NHSL3: variants seen among roughly 807,000 people sequenced by gnomAD.
NHSL3 encodes NHS-like protein 3.
chr1:32,772,277 T>TCCCCCCCCCCCCCC, the NHSL3 span: 1 of 1,587,360 alleles, frequency 6.3e-7, no homozygotes, highest in Non-Finnish European at 8.6e-7. Context: ...TCTGTGGGAG[T>TCCCCCCCCCCCCCC]CCCCCCACCC....
the NHSL3 span, chr1:32,767,788 C>A: frequency 6.2e-7 from 1 of 1,607,488 alleles, no homozygotes; most frequent in Non-Finnish European, 8.5e-7. Context: ...TCCTACTAGG[C>A]TCTGCCAAGG....
chr1:32,745,854 A>G, the NHSL3 span, among the ~76,000 whole-genome samples: 150,140 of 152,160 alleles, frequency 0.99, 74,102 homozygotes, highest in East Asian at 1. Context: ...AAAACAGCCC[A>G]TGATGATGAT....
chr1:32,768,701 C>G, the NHSL3 span: 4 of 1,614,186 alleles, frequency 2.5e-6, no homozygotes, highest in African/African-American at 5.3e-5. Context: ...TGCAGTCAGA[C>G]CACATCCTAC....
At chr1:32,765,791 C>T in the NHSL3 span, 967 of 1,547,748 alleles carry the variant, frequency 6.2e-4, 3 homozygotes, top group African/African-American at 0.011. Flanking sequence ...CGTTGGCCGC[C>T]GCCTCCCGGC....
the NHSL3 span, among the ~76,000 whole-genome samples, chr1:32,742,468 G>A: frequency 1.3e-5 from 2 of 152,252 alleles, no homozygotes; most frequent in Non-Finnish European, 2.9e-5. Context: ...ACTCCAGGGC[G>A]GTGAGGCGAT....
At chr1:32,744,764 G>A in the NHSL3 span, among the ~76,000 whole-genome samples, 126 of 152,296 alleles carry the variant, frequency 8.3e-4, no homozygotes, top group African/African-American at 3.0e-3. Flanking sequence ...GAATCCTCTG[G>A]CTGGACATTG....
chr1:32,767,875 C>A, the NHSL3 span: 1 of 1,614,048 alleles, frequency 6.2e-7, no homozygotes, highest in Middle Eastern at 1.7e-4. Flanking sequence ...AGGACAACGT[C>A]TTCTTTCCCA....
At chr1:32,752,946 CACACAT>C in the NHSL3 span, among the ~76,000 whole-genome samples, 4 of 24,122 alleles carry the variant, frequency 1.7e-4, no homozygotes, top group African/African-American at 6.8e-4. Flanking sequence ...CACACACACA[CACACAT>C]ATATATATAT....
At chr1:32,743,391 C>T in the NHSL3 span, among the ~76,000 whole-genome samples, 5 of 152,088 alleles carry the variant, frequency 3.3e-5, no homozygotes, top group Admixed American at 6.5e-5. Flanking sequence ...GGCCCTGCTT[C>T]CCTGCGGCAC....
At chr1:32,766,661 C>T in the NHSL3 span, among the ~76,000 whole-genome samples, 1 of 152,150 alleles carries the variant, frequency 6.6e-6, no homozygotes. Context: ...AGACCCTGCT[C>T]CTGGAGCATG....
the NHSL3 span, among the ~76,000 whole-genome samples, chr1:32,748,201 C>T: frequency 6.6e-6 from 1 of 152,260 alleles, no homozygotes; most frequent in South Asian, 2.1e-4. Flanking sequence ...ATCACTTGAA[C>T]CCAGGAGGCG....
the NHSL3 span, among the ~76,000 whole-genome samples, chr1:32,760,885 G>A: frequency 7.2e-5 from 11 of 152,130 alleles, no homozygotes; most frequent in Non-Finnish European, 1.2e-4. Context: ...CACCGCACCC[G>A]GCCATGTGGG....
chr1:32,764,033 A>C, the NHSL3 span, among the ~76,000 whole-genome samples: 3 of 150,814 alleles, frequency 2.0e-5, no homozygotes, highest in African/African-American at 4.9e-5. Flanking sequence ...GTAATTTTCA[A>C]AGTTTTTTGT....
At chr1:32,772,060 C>G in the NHSL3 span, 1 of 1,610,218 alleles carries the variant, frequency 6.2e-7, no homozygotes, top group Non-Finnish European at 8.5e-7. Context: ...GGCAGAGCCA[C>G]GGCCTCCCCA....
chr1:32,762,439 T>C, the NHSL3 span, among the ~76,000 whole-genome samples: 1 of 151,982 alleles, frequency 6.6e-6, no homozygotes. Flanking sequence ...AATCTTTTTT[T>C]TTTTTAAGCT....
At chr1:32,761,069 G>A in the NHSL3 span, among the ~76,000 whole-genome samples, 1 of 152,168 alleles carries the variant, frequency 6.6e-6, no homozygotes, top group East Asian at 1.9e-4. Flanking sequence ...CTCAGATCCA[G>A]GAAGCCTCCT....
chr1:32,772,517 A>T, the NHSL3 span: 1 of 1,486,490 alleles, frequency 6.7e-7, no homozygotes, highest in Non-Finnish European at 8.9e-7. Context: ...GCCATGGGGG[A>T]TTTGTTCTTG....
At chr1:32,771,429 T>G in the NHSL3 span, 1 of 1,398,952 alleles carries the variant, frequency 7.1e-7, no homozygotes, top group South Asian at 1.2e-5. Flanking sequence ...CAGAGGTGGT[T>G]GTGGAGGCAC....
chr1:32,745,555 C>T, the NHSL3 span, among the ~76,000 whole-genome samples: 2 of 52,824 alleles, frequency 3.8e-5, no homozygotes, highest in African/African-American at 1.1e-4. Context: ...GAGACTAGGT[C>T]TCAAAAAAAA....
Sources: gnomAD v4.1 joint callset for allele counts (sites outside exome capture counted in the v4.1 genomes callset) on GRCh38, gnomAD v4.1.1 for gene constraint, MANE v1.5 for transcripts, NCBI Gene and HGNC (gene_info 2026-07-23, HGNC 2026-07-21) for gene names.